Variants in ZNF385D observed in about 807,000 individuals in gnomAD.
ZNF385D encodes zinc finger protein 659.
ZNF385D carries 15 observed loss-of-function variants against 35.8 expected under a neutral mutation model. That is an observed-to-expected ratio of 0.42 (90% confidence interval 0.28 to 0.64). The LOEUF is 0.64. Among genes scored for constraint, ZNF385D ranks in the 30% least tolerant of loss-of-function variants. The pLI, the probability that ZNF385D is intolerant of heterozygous loss-of-function variation, is 0.23. For missense variants in ZNF385D, 474 were observed against 494.6 expected, an observed-to-expected ratio of 0.96 and a Z score of 0.39; for synonymous variants, 212 against 186.8, an observed-to-expected ratio of 1.13 and a Z score of -1.10.
At chr3:22,340,227 CA>C (rs1695361642) in intron 2 of ZNF385D, among the ~76,000 whole-genome samples, 1 of 152,082 alleles carries the variant, frequency 6.6e-6, no homozygotes, top group African/African-American at 2.4e-5. Context: ...GTTAAATTGC[CA>C]CTTTGAAATA....
intron 3 of ZNF385D, among the ~76,000 whole-genome samples, chr3:21,991,607 C>G (rs1285655475): frequency 6.6e-6 from 1 of 152,182 alleles, no homozygotes; most frequent in Non-Finnish European, 1.5e-5. Flanking sequence ...AATGCTCTAG[C>G]ACGACAGCTA....
intron 3 of ZNF385D, among the ~76,000 whole-genome samples, chr3:22,057,015 C>T (rs893856594): frequency 6.6e-6 from 1 of 152,204 alleles, no homozygotes; most frequent in African/African-American, 2.4e-5. Flanking sequence ...ACTCCGTTTT[C>T]CATGAATTTG....
At chr3:22,204,979 C>CAA (rs761954306) in intron 2 of ZNF385D, among the ~76,000 whole-genome samples, 12,226 of 92,702 alleles carry the variant, frequency 0.13, 809 homozygotes, top group Middle Eastern at 0.22. Context: ...TGACCAAATC[C>CAA]AAAAAAAAAA....
At chr3:22,110,609 A>T (rs1702469407) in intron 3 of ZNF385D, among the ~76,000 whole-genome samples, 1 of 149,808 alleles carries the variant, frequency 6.7e-6, no homozygotes, top group African/African-American at 2.4e-5. Context: ...GGACACAGGA[A>T]GGGGAACATC....
chr3:22,255,839 G>C lies in ZNF385D; in HGVS notation c.107-86804C>G, dbSNP rs75771392. 2.5e-4 allele frequency among the ~76,000 whole-genome samples: 38 copies of C among 150,958 alleles called. No individual in the cohort carries two copies. The East Asian group carries it at 4.5e-3, about 18-fold the overall frequency. On this transcript the variant is annotated intron_variant, in intron 2 of 5. Coordinates refer to the ZNF385D transcript ENST00000494108. ...CATGCTTTCCTTACTAATTGTGATG[G>C]TTAATACTGAGTGTCAAGTTGATTG...
chr3:21,577,274 T>C (rs1657609938), intron 2 of ZNF385D, among the ~76,000 whole-genome samples: 1 of 152,204 alleles, frequency 6.6e-6, no homozygotes, highest in Non-Finnish European at 1.5e-5. Context: ...TCTTTCTGTG[T>C]CTGGCTTATT....
At chr3:22,115,728 T>C (rs1404506082) in intron 3 of ZNF385D, among the ~76,000 whole-genome samples, 6 of 152,070 alleles carry the variant, frequency 3.9e-5, no homozygotes, top group Non-Finnish European at 7.4e-5. Flanking sequence ...AGTAGTAGAT[T>C]TCCTAATGCA....
intron 3 of ZNF385D, among the ~76,000 whole-genome samples, chr3:22,072,398 G>T (rs1700270306): frequency 6.6e-6 from 1 of 151,926 alleles, no homozygotes; most frequent in South Asian, 2.1e-4. Context: ...TATATAAGAG[G>T]CTTCATCTGT....
chr3:22,194,375 G>A (rs1696264523), intron 2 of ZNF385D, among the ~76,000 whole-genome samples: 1 of 151,684 alleles, frequency 6.6e-6, no homozygotes, highest in South Asian at 2.1e-4. Context: ...AATTCAATCT[G>A]ACAGGTATTT....
intron 2 of ZNF385D, among the ~76,000 whole-genome samples, chr3:22,321,506 C>A (rs1010407735): frequency 6.6e-6 from 1 of 151,912 alleles, no homozygotes; most frequent in African/African-American, 2.4e-5. Flanking sequence ...GCTGGGACTA[C>A]AGGGGCCCGC....
At chr3:21,643,215 G>A (rs1235764624) in intron 2 of ZNF385D, among the ~76,000 whole-genome samples, 1 of 152,110 alleles carries the variant, frequency 6.6e-6, no homozygotes, top group Non-Finnish European at 1.5e-5. Context: ...CAGATTGAGA[G>A]AAATGCATGC....
In ZNF385D at chr3:21,564,743, A is replaced by T. The variant is rs565500647; in HGVS notation, c.166-59T>A. The T allele has an allele frequency of 4.2e-5, 47 of 1,111,382 alleles. No individual in the cohort carries two copies. In the South Asian group the frequency reaches 8.3e-4, roughly 20 times the overall value. 68.8% of individuals were successfully genotyped at this position (1,111,382 alleles called of 1,614,324 possible). A position where few individuals can be genotyped will look rare whatever the true frequency, so the allele number is the denominator to read the frequency against. On this transcript the variant is annotated intron_variant, in intron 2 of 7. Coordinates refer to ENST00000281523, the MANE Select transcript of ZNF385D (RefSeq NM_024697.3). The stretch of plus-strand genomic sequence containing the variant: ...AATAAAGCTTGTCAGTTCCATTGGA[A>T]TTTTGCCTATTTCATTAAAGAACCA...
upstream of ZNF385D, chr3:21,751,280 G>A (rs1236295772): frequency 5.5e-6 from 6 of 1,098,742 alleles, no homozygotes; most frequent in South Asian, 1.1e-4. Flanking sequence ...TCCACGAGGT[G>A]CTCCGACTGC....
At chr3:21,978,905 A>G (rs2125362820) in intron 3 of ZNF385D, among the ~76,000 whole-genome samples, 2 of 152,300 alleles carry the variant, frequency 1.3e-5, no homozygotes, top group East Asian at 3.9e-4. Flanking sequence ...TCCCAAGAAA[A>G]GTAAAATATG....
In ZNF385D at chr3:22,342,121, G is replaced by A. The variant is rs1695449860; in HGVS notation, c.106+30329C>T. ...AAACCCCGTCTCTACTAAAAACACA[G>A]AAAAAATTAGCCGGGCATGGTGGCG... On this transcript the variant is annotated intron_variant, in intron 2 of 5. Transcript: ENST00000494108. 7.3e-5 allele frequency among the ~76,000 whole-genome samples: 11 copies of A among 151,608 alleles called. No individual in the cohort carries two copies. The South Asian group carries it at 2.3e-3, about 32-fold the overall frequency.
intron 2 of ZNF385D, among the ~76,000 whole-genome samples, chr3:22,244,364 T>TAAAAAAAAAAAAAAAAA (rs34497539): frequency 3.2e-5 from 2 of 62,558 alleles, no homozygotes; most frequent in African/African-American, 1.0e-4. Flanking sequence ...CAACCGAATG[T>TAAAAAAAAAAAAAAAAA]AAAAAAAAAA....
chr3:22,103,924 A>C (rs930202518), intron 3 of ZNF385D, among the ~76,000 whole-genome samples: 2 of 152,120 alleles, frequency 1.3e-5, no homozygotes, highest in Non-Finnish European at 2.9e-5. Context: ...TTAAATTTTT[A>C]TTTAAATTTA....
chr3:21,439,626 A>C (rs1383978784), intron 4 of ZNF385D, among the ~76,000 whole-genome samples: 1 of 152,040 alleles, frequency 6.6e-6, no homozygotes, highest in Non-Finnish European at 1.5e-5. Flanking sequence ...AGTAATCCTA[A>C]ACTAACTTTC....
At chr3:22,000,079 G>A (rs1451201902) in intron 3 of ZNF385D, among the ~76,000 whole-genome samples, 2 of 152,090 alleles carry the variant, frequency 1.3e-5, no homozygotes, top group Non-Finnish European at 2.9e-5. Context: ...GCCGAGGCGG[G>A]CAGATCATGA....
Sources: gnomAD v4.1 joint callset for allele counts (sites outside exome capture counted in the v4.1 genomes callset) on GRCh38, gnomAD v4.1.1 for gene constraint, MANE v1.5 for transcripts, NCBI Gene and HGNC (gene_info 2026-07-23, HGNC 2026-07-21) for gene names.